The following UTRN variants were observed in gnomAD, a reference collection of about 807,000 sequenced individuals.
The protein encoded by UTRN is utrophin.
UTRN carries 283 observed loss-of-function variants against 463.9 expected under a neutral mutation model. The ratio of observed to expected loss-of-function variants is 0.61; its 90% CI spans 0.55 to 0.67. The LOEUF is 0.67. Among genes scored for constraint, UTRN ranks in the 30% least tolerant of loss-of-function variants. The pLI is 0.00. For synonymous variants in UTRN, 1,442 were observed against 1,431.5 expected (o/e 1.01, Z -0.17); for missense variants, 3,922 against 4,084.3 (o/e 0.96, Z 1.08).
chr6:144,568,459 A>G (rs1800625211), intron 50 of UTRN, among the ~76,000 whole-genome samples: 1 of 152,096 alleles, frequency 6.6e-6, no homozygotes, highest in African/African-American at 2.4e-5. Flanking sequence ...TATTTTTCTC[A>G]ATACGTCCTC....
chr6:144,462,926 T>C (rs968622417), intron 23 of UTRN, 60 bp downstream of exon 23: 1 of 1,283,932 alleles, frequency 7.8e-7, no homozygotes, highest in Non-Finnish European at 1.1e-6. Context: ...AATTATCTTA[T>C]AAGATTCACG....
intron 53 of UTRN, among the ~76,000 whole-genome samples, chr6:144,711,856 A>T (rs1785751041): frequency 6.6e-6 from 1 of 152,198 alleles, no homozygotes; most frequent in South Asian, 2.1e-4. Context: ...GACTCAGAAC[A>T]TATCTGGCCT....
chr6:144,827,718 A>G (rs1279596035), intron 68 of UTRN, 42 bp downstream of exon 68: 2 of 1,584,952 alleles, frequency 1.3e-6, no homozygotes, highest in Admixed American at 3.4e-5. Context: ...ACTGCCACCC[A>G]GAATGTATCT....
In UTRN at chr6:144,689,518, A is replaced by G. The variant is rs116614771; in HGVS notation, c.7653-10569A>G. Among the ~76,000 whole-genome samples the G allele has an allele frequency of 5.0e-3, 768 of 152,224 alleles. 6 individuals are homozygous for G. Among genetic ancestry groups the G allele is most frequent in the African/African-American group, 0.017 (721 of 41,528 alleles). Reference sequence around the variant, plus strand: ...ATGTGGAGCACTCCCTCTTTCCCCTAGGAGGAGGAATCCCTGAGGGCCAGA... The same window carrying G: ...ATGTGGAGCACTCCCTCTTTCCCCTGGGAGGAGGAATCCCTGAGGGCCAGA... On this transcript the variant is annotated intron_variant, in intron 52 of 74. Transcript: ENST00000367545.
At chr6:144,740,250 AAAC>A (rs1789901014) in intron 54 of UTRN, among the ~76,000 whole-genome samples, 2 of 152,216 alleles carry the variant, frequency 1.3e-5, no homozygotes, top group South Asian at 2.1e-4. Flanking sequence ...TATTCAATAG[AAAC>A]AACATTTTAT....
intron 65 of UTRN, among the ~76,000 whole-genome samples, chr6:144,816,500 T>G (rs1008867004): frequency 4.8e-5 from 7 of 146,700 alleles, no homozygotes; most frequent in African/African-American, 1.9e-4. Context: ...ATATTTTGTT[T>G]TACTTTAAAA....
chr6:144,479,429 T>C (rs1346397528), intron 25 of UTRN, among the ~76,000 whole-genome samples: 1 of 152,172 alleles, frequency 6.6e-6, no homozygotes, highest in Non-Finnish European at 1.5e-5. Flanking sequence ...GGCTTCTAGA[T>C]TTTTTGTTTT....
intron 54 of UTRN, among the ~76,000 whole-genome samples, chr6:144,745,949 A>G (rs1216414319): frequency 6.6e-6 from 1 of 151,320 alleles, no homozygotes; most frequent in Non-Finnish European, 1.5e-5. Flanking sequence ...AACATTTTAT[A>G]TTTATATAAA....
chr6:144,317,206 G>A (rs868284692), intron 2 of UTRN, among the ~76,000 whole-genome samples: 2 of 152,110 alleles, frequency 1.3e-5, no homozygotes, highest in African/African-American at 2.4e-5. Flanking sequence ...ATAGGACAGC[G>A]AATGATATGG....
intron 2 of UTRN, among the ~76,000 whole-genome samples, chr6:144,334,956 C>T (rs772472060): frequency 1.3e-5 from 2 of 152,264 alleles, no homozygotes; most frequent in African/African-American, 2.4e-5. Context: ...ATAAATTGAA[C>T]GAACTTTGAA....
At chr6:144,451,646 T>C (rs966596358) in intron 18 of UTRN, among the ~76,000 whole-genome samples, 153 bp downstream of exon 18, 4 of 151,954 alleles carry the variant, frequency 2.6e-5, no homozygotes, top group Non-Finnish European at 1.5e-5. Context: ...GAATTTTGAA[T>C]CCATTCATGC....
chr6:144,376,370 G>A (rs917750847), intron 2 of UTRN, among the ~76,000 whole-genome samples: 3 of 151,776 alleles, frequency 2.0e-5, no homozygotes, highest in Non-Finnish European at 2.9e-5. Context: ...CAGGAGAATC[G>A]CTTGAACTCG....
At position 144,514,791 on chromosome 6, in the gene UTRN, A is replaced by G. The variant is rs1381361521; in HGVS notation, c.5215A>G (p.Lys1739Glu). ...AGCTGAGCTGAATAGGAACTTTGAAAAGGTGTCTCAACATATCAAAAGTGC... is the reference window on the plus strand; with the variant it reads ...AGCTGAGCTGAATAGGAACTTTGAAGAGGTGTCTCAACATATCAAAAGTGC... ...KLAELNRNFE[K>E]VSQHIKSAKL... Residue 1739 changes from lysine (K) to glutamate (E), a missense_variant, in exon 37 of 75, where the codon AAG becomes GAG. Around this residue, in one of 3 missense-constraint regions of UTRN, gnomAD observed 2,349 missense variants for 2,303.8 expected, o/e 1.02. Transcript: ENST00000367545. 1 of 1,613,834 alleles carries G rather than the reference A, an allele frequency of 6.2e-7. No individual in the cohort carries two copies. Among genetic ancestry groups the G allele is most frequent in the Admixed American group, 1.7e-5 (1 of 59,924 alleles).
At chr6:144,795,927 T>G (rs1456884304) in intron 63 of UTRN, among the ~76,000 whole-genome samples, 1 of 152,180 alleles carries the variant, frequency 6.6e-6, no homozygotes, top group Admixed American at 6.5e-5. Context: ...TTAGATCCCA[T>G]TTGTCAATTT....
chr6:144,623,504 C>T (rs901511850), intron 51 of UTRN, among the ~76,000 whole-genome samples: 1 of 152,080 alleles, frequency 6.6e-6, no homozygotes, highest in Non-Finnish European at 1.5e-5. Flanking sequence ...TGAAATAGAT[C>T]CCCTTTGGAA....
intron 2 of UTRN, among the ~76,000 whole-genome samples, chr6:144,371,030 CTG>C: frequency 6.6e-6 from 1 of 152,362 alleles, no homozygotes; most frequent in Non-Finnish European, 1.5e-5. Flanking sequence ...CCACCTAGCA[CTG>C]TCCCCAGTCC....
At chr6:144,720,801 T>G (rs1010454467) in intron 53 of UTRN, among the ~76,000 whole-genome samples, 1 of 152,182 alleles carries the variant, frequency 6.6e-6, no homozygotes, top group Non-Finnish European at 1.5e-5. Flanking sequence ...GTGTATTTAT[T>G]CATAATGAGG....
At chr6:144,588,925 GAGTCCAA>G (rs1478112447) in intron 51 of UTRN, among the ~76,000 whole-genome samples, 2 of 152,180 alleles carry the variant, frequency 1.3e-5, no homozygotes, top group Non-Finnish European at 2.9e-5. Context: ...CGAGGTAAAT[GAGTCCAA>G]ATAATTGAAA....
At chr6:144,385,375 T>C (rs1342763294) in intron 2 of UTRN, among the ~76,000 whole-genome samples, 3 of 152,232 alleles carry the variant, frequency 2.0e-5, no homozygotes, top group Admixed American at 2.0e-4. Flanking sequence ...TTGTTACTTT[T>C]GTAAAACTGA....
Sources: gnomAD v4.1 joint callset for allele counts (sites outside exome capture counted in the v4.1 genomes callset) on GRCh38, gnomAD v4.1.1 for gene constraint, gnomAD v4.1.1 regional missense constraint, MANE v1.5 for transcripts, NCBI Gene and HGNC (gene_info 2026-07-23, HGNC 2026-07-21) for gene names.